The following SKAP1 variants were observed in gnomAD, a reference collection of about 807,000 sequenced individuals.
The protein encoded by SKAP1 is src kinase associated phosphoprotein 1.
In SKAP1, 44 loss-of-function variants were observed where a neutral mutation model predicts 58.5. The ratio of observed to expected loss-of-function variants is 0.75; its 90% CI spans 0.59 to 0.97. SKAP1 has a LOEUF of 0.97. Among genes scored for constraint, SKAP1 ranks in the 50% least tolerant of loss-of-function variants. The probability of loss-of-function intolerance (pLI) is 0.00; values close to 1 mark genes in which losing one functional copy is unlikely to be tolerated. For missense variants in SKAP1, 390 were observed against 435.2 expected (o/e 0.90, Z 0.92); for synonymous variants, 127 against 149.7 (o/e 0.85, Z 1.11).
intron 4 of SKAP1, among the ~76,000 whole-genome samples, chr17:48,218,133 A>G (rs2064962449): frequency 6.6e-6 from 1 of 152,230 alleles, no homozygotes; most frequent in African/African-American, 2.4e-5. Context: ...GCTTCAAGCT[A>G]GGCTACCACT....
intron 10 of SKAP1, among the ~76,000 whole-genome samples, chr17:48,166,873 T>C (rs1460120652): frequency 6.6e-6 from 1 of 152,128 alleles, no homozygotes; most frequent in Non-Finnish European, 1.5e-5. Context: ...TTTTCCTTTT[T>C]TTTTTTTCTG....
chr17:48,189,454 G>A lies in SKAP1; in HGVS notation c.327C>T (p.Ile109=). 1 of 1,613,432 alleles carries A rather than the reference G, an allele frequency of 6.2e-7. No individual in the cohort carries two copies. Among genetic ancestry groups the A allele is most frequent in the South Asian group, 1.1e-5 (1 of 91,026 alleles). Residue 109 remains isoleucine (I), a synonymous_variant, in exon 5 of 13, where the codon ATC becomes ATT. Transcript: ENST00000336915. ...TTTTCTTCTCCAAGTATCCTTGCTTGATTACGTTATCAAGTTCTTGAGCTC... is the reference window on the plus strand; with the variant it reads ...TTTTCTTCTCCAAGTATCCTTGCTTAATTACGTTATCAAGTTCTTGAGCTC... ...VKGAQELDNV[I]KQGYLEKKSK...
At chr17:48,398,595 G>A (rs1190203778) in intron 1 of SKAP1, among the ~76,000 whole-genome samples, 1 of 152,080 alleles carries the variant, frequency 6.6e-6, no homozygotes, top group Non-Finnish European at 1.5e-5. Context: ...AAAAAGGTTG[G>A]GGACCCCTGA....
chr17:48,351,596 G>T (rs1440435063), intron 3 of SKAP1, among the ~76,000 whole-genome samples: 3 of 152,142 alleles, frequency 2.0e-5, no homozygotes, highest in African/African-American at 7.2e-5. Context: ...CTTTTAAAAA[G>T]TTGCTCCAAC....
At chr17:48,380,917 A>G (rs973797231) in intron 2 of SKAP1, among the ~76,000 whole-genome samples, 1 of 152,242 alleles carries the variant, frequency 6.6e-6, no homozygotes, top group African/African-American at 2.4e-5. Flanking sequence ...GCATATATCC[A>G]TAGAATGTAT....
intron 4 of SKAP1, among the ~76,000 whole-genome samples, chr17:48,242,164 G>A (rs978219398): frequency 6.6e-6 from 1 of 152,192 alleles, no homozygotes; most frequent in African/African-American, 2.4e-5. Context: ...TAACCTGCCT[G>A]GCATCTGGCT....
At chr17:48,405,349 A>AT (rs59439905) in intron 1 of SKAP1, among the ~76,000 whole-genome samples, 49,510 of 149,612 alleles carry the variant, frequency 0.33, 9,082 homozygotes, top group African/African-American at 0.47. Context: ...CTTTTTTGGC[A>AT]TACATCCTCA....
chr17:48,440,255 T>C, the SKAP1 span, among the ~76,000 whole-genome samples: 3 of 152,202 alleles, frequency 2.0e-5, no homozygotes, highest in African/African-American at 7.2e-5. Context: ...AGCTCTGTGG[T>C]CCTGGCCCTA....
Position 48,396,791 on chromosome 17 carries a change from A to C in SKAP1, c.47-6T>G. On this transcript the variant is annotated splice_polypyrimidine_tract_variant and splice_region_variant and intron_variant, in intron 1 of 12. Coordinates refer to ENST00000336915, the MANE Select transcript of SKAP1 (RefSeq NM_003726.4). ...TGCCAGAAACTCTTCAGCATCTAAAAGAAAAGGAAAGTTGATAAAACAGAA... is the reference window on the plus strand; with the variant it reads ...TGCCAGAAACTCTTCAGCATCTAAACGAAAAGGAAAGTTGATAAAACAGAA... 1 of 1,602,578 alleles carries C rather than the reference A, an allele frequency of 6.2e-7. No homozygotes were observed. Among genetic ancestry groups the C allele is most frequent in the Non-Finnish European group, 8.5e-7 (1 of 1,170,710 alleles).
At chr17:48,369,278 C>T (rs1469755383) in intron 2 of SKAP1, among the ~76,000 whole-genome samples, 1 of 151,816 alleles carries the variant, frequency 6.6e-6, no homozygotes, top group Non-Finnish European at 1.5e-5. Context: ...ATTGCTTGAG[C>T]CCTGGAGTTT....
intron 11 of SKAP1, among the ~76,000 whole-genome samples, chr17:48,141,364 T>C (rs2063765330): frequency 7.8e-6 from 1 of 128,734 alleles, no homozygotes; most frequent in African/African-American, 3.0e-5. Flanking sequence ...CCAATGCCCC[T>C]TGTTAACTGG....
At chr17:48,439,002 T>C in the SKAP1 span, among the ~76,000 whole-genome samples, 2 of 152,268 alleles carry the variant, frequency 1.3e-5, no homozygotes, top group Non-Finnish European at 2.9e-5. Flanking sequence ...GAAGTCTTCA[T>C]AGTTTGAAGG....
chr17:48,375,822 A>G (rs2067143962), intron 2 of SKAP1, among the ~76,000 whole-genome samples: 1 of 152,192 alleles, frequency 6.6e-6, no homozygotes, highest in South Asian at 2.1e-4. Flanking sequence ...CTTTAAGGAT[A>G]AAGAATGATG....
intron 11 of SKAP1, among the ~76,000 whole-genome samples, chr17:48,160,075 G>C (rs1412093612): frequency 6.6e-6 from 1 of 152,102 alleles, no homozygotes; most frequent in African/African-American, 2.4e-5. Flanking sequence ...GATAGAAACA[G>C]GGCAGTGAGG....
rs1349999322 is a variant in SKAP1 at position 48,133,595 on chromosome 17, G to A, written c.*229C>T. 6.6e-6 allele frequency: 1 copy of A among 152,280 alleles called. No homozygotes were observed. Among genetic ancestry groups the A allele is most frequent in the Admixed American group, 6.5e-5 (1 of 15,272 alleles). 9.4% of individuals were successfully genotyped at this position (152,280 alleles called of 1,614,324 possible). ...GGTTGTGTGGACACATTTAGAGATG[G>A]GGATGAGCTATGACTAGGCTGGTTT... On this transcript the variant is annotated 3_prime_UTR_variant, in exon 13 of 13. Coordinates refer to ENST00000336915, the MANE Select transcript of SKAP1 (RefSeq NM_003726.4).
chr17:48,234,154 T>A (rs1239901446), intron 4 of SKAP1, among the ~76,000 whole-genome samples: 1 of 152,166 alleles, frequency 6.6e-6, no homozygotes, highest in Non-Finnish European at 1.5e-5. Flanking sequence ...TATTCAGATA[T>A]GAGGATTAAA....
At chr17:48,278,579 T>C (rs1049803768) in intron 4 of SKAP1, among the ~76,000 whole-genome samples, 2 of 152,018 alleles carry the variant, frequency 1.3e-5, no homozygotes, top group African/African-American at 4.8e-5. Context: ...CAAGAGTGAA[T>C]TTTGGGAAGT....
chr17:48,380,180 T>C (rs1392590059), intron 2 of SKAP1: 3 of 152,308 alleles, frequency 2.0e-5, no homozygotes, highest in Non-Finnish European at 2.9e-5. Context: ...TCCCAGGCTT[T>C]ACCTGGCTCA....
intron 4 of SKAP1, among the ~76,000 whole-genome samples, chr17:48,267,549 A>G (rs2065568275): frequency 6.6e-6 from 1 of 152,182 alleles, no homozygotes; most frequent in Non-Finnish European, 1.5e-5. Flanking sequence ...CACCCAAATT[A>G]TTGCCCTATA....
Sources: gnomAD v4.1 joint callset for allele counts (sites outside exome capture counted in the v4.1 genomes callset) on GRCh38, gnomAD v4.1.1 for gene constraint, MANE v1.5 for transcripts, NCBI Gene and HGNC (gene_info 2026-07-23, HGNC 2026-07-21) for gene names.